Variants in DENND1A observed in about 807,000 individuals in gnomAD.
DENND1A encodes DENN domain containing 1A.
In DENND1A, 51 loss-of-function variants were observed where a neutral mutation model predicts 113.7. The observed-to-expected ratio is 0.45, with a 90% CI of 0.36 to 0.57. The LOEUF is 0.57. Among genes scored for constraint, DENND1A ranks in the 20% least tolerant of loss-of-function variants. The pLI is 0.00. For synonymous variants in DENND1A, 565 were observed against 570.8 expected, an observed-to-expected ratio of 0.99 and a Z score of 0.14; for missense variants, 1,258 against 1,395.9, an observed-to-expected ratio of 0.90 and a Z score of 1.57.
At chr9:123,895,631 A>G (rs1420304678) in intron 1 of DENND1A, among the ~76,000 whole-genome samples, 2 of 151,960 alleles carry the variant, frequency 1.3e-5, no homozygotes, top group Non-Finnish European at 2.9e-5. Flanking sequence ...CAAAAAAAAA[A>G]AAAGAAAAAA....
intron 21 of DENND1A, among the ~76,000 whole-genome samples, chr9:123,393,524 G>C (rs2051075): frequency 6.6e-6 from 1 of 150,652 alleles, no homozygotes; most frequent in Non-Finnish European, 1.5e-5. Flanking sequence ...CAGCTAGACC[G>C]CATCTTAAAA....
At position 123,495,141 on chromosome 9, in the gene DENND1A, T is replaced by TTCTCTCTCTCTCTCTCTCTC. The variant is rs56390148; in HGVS notation, c.994-37264_994-37245dup. ...TCTATTATGACCCATCATTGTCTCT[T>TTCTCTCTCTCTCTCTCTCTC]TCTCTCTCTCTCTCTCTCTCTCTCT... On this transcript the variant is annotated intron_variant, in intron 13 of 23. Transcript: ENST00000394215. Among the ~76,000 whole-genome samples, 338 of 140,616 alleles carry TTCTCTCTCTCTCTCTCTCTC rather than the reference T, an allele frequency of 2.4e-3. 10 individuals carry two copies. Among genetic ancestry groups the TTCTCTCTCTCTCTCTCTCTC allele is most frequent in the African/African-American group, 6.9e-3 (246 of 35,486 alleles). 92.2% of individuals were successfully genotyped at this position (140,616 alleles called of 152,430 possible).
chr9:123,466,996 A>G (rs1211513955), intron 13 of DENND1A, among the ~76,000 whole-genome samples: 2 of 152,140 alleles, frequency 1.3e-5, no homozygotes, highest in Non-Finnish European at 2.9e-5. Context: ...GCCTGCAGTG[A>G]GCCGTGATCA....
At position 123,625,089 on chromosome 9, in the gene DENND1A, T is replaced by C. The variant is rs115276605; in HGVS notation, c.719+5287A>G. Among the ~76,000 whole-genome samples the C allele has an allele frequency of 9.7e-3, 1,475 of 152,356 alleles. 23 individuals carry two copies. The highest frequency in any genetic ancestry group is 0.033 in the African/African-American group (1,366 of 41,568). Reference sequence around the variant, plus strand: ...TTCTTTCCAGATTTCTGCCTCTCTATATGTATACATATATACATCCGATTT... The same window carrying C: ...TTCTTTCCAGATTTCTGCCTCTCTACATGTATACATATATACATCCGATTT... On this transcript the variant is annotated intron_variant, in intron 10 of 23. Transcript: ENST00000394215.
chr9:123,454,849 C>CT (rs764248245), intron 15 of DENND1A, 70 bp from the exon 16 acceptor site: 184,881 of 1,003,958 alleles, frequency 0.18, 2,413 homozygotes, highest in Non-Finnish European at 0.2. Context: ...CTTAAAATTG[C>CT]TTTTTTTTTT....
chr9:123,590,149 G>C (rs1182705837), intron 11 of DENND1A, among the ~76,000 whole-genome samples: 1 of 152,226 alleles, frequency 6.6e-6, no homozygotes, highest in Non-Finnish European at 1.5e-5. Context: ...TGCCTGGCTA[G>C]AGAGACTGAG....
intron 8 of DENND1A, among the ~76,000 whole-genome samples, chr9:123,653,807 G>C (rs951086343): frequency 6.6e-6 from 1 of 151,920 alleles, no homozygotes; most frequent in Non-Finnish European, 1.5e-5. Flanking sequence ...TGATCTGTAT[G>C]TGGCAGGCAA....
chr9:123,538,953 G>C (rs2056067623), intron 13 of DENND1A, among the ~76,000 whole-genome samples: 1 of 149,754 alleles, frequency 6.7e-6, no homozygotes, highest in African/African-American at 2.5e-5. Flanking sequence ...TAAATAAAGA[G>C]AAAGAGTCAA....
chr9:123,528,413 A>G (rs1319880419), intron 13 of DENND1A, among the ~76,000 whole-genome samples: 4 of 152,128 alleles, frequency 2.6e-5, no homozygotes, highest in African/African-American at 9.7e-5. Flanking sequence ...TATTTGCCAT[A>G]TATTTATTGC....
intron 5 of DENND1A, among the ~76,000 whole-genome samples, chr9:123,681,844 A>G (rs2064482884): frequency 6.6e-6 from 1 of 152,110 alleles, no homozygotes; most frequent in Non-Finnish European, 1.5e-5. Flanking sequence ...ATTCTCCAGT[A>G]ATAGGAACCT....
rs1291926754 is a variant in DENND1A at position 123,381,311 on chromosome 9, G to C, written c.*121C>G. 58 of 935,508 alleles carry C rather than the reference G, an allele frequency of 6.2e-5. No homozygotes were observed. The highest frequency in any genetic ancestry group is 9.0e-5 in the Non-Finnish European group (56 of 621,538). The allele number at this position is 935,508 out of a possible 1,614,324, so 58.0% of individuals were successfully genotyped here. A position where few individuals can be genotyped will look rare whatever the true frequency, so the allele number is the denominator to read the frequency against. Reference sequence around the variant, plus strand: ...GGAGGGGAGGAGGGGGCAGCAGAGAGGGGTCCCATCCCTTCCCACCAGCAG... The same window carrying C: ...GGAGGGGAGGAGGGGGCAGCAGAGACGGGTCCCATCCCTTCCCACCAGCAG... On this transcript the variant is annotated 3_prime_UTR_variant, in exon 24 of 24. Coordinates refer to ENST00000394215, the MANE Select transcript of DENND1A (RefSeq NM_001352964.2). The surrounding 1 kb of genome is among the most constrained non-coding windows in gnomAD (Gnocchi z 4.7).
At chr9:123,599,019 A>G (rs1228280967) in intron 11 of DENND1A, among the ~76,000 whole-genome samples, 1 of 152,228 alleles carries the variant, frequency 6.6e-6, no homozygotes, top group African/African-American at 2.4e-5. Flanking sequence ...GATGTTGATA[A>G]CTTCCAACCA....
intron 1 of DENND1A, among the ~76,000 whole-genome samples, chr9:123,902,512 G>A (rs900723678): frequency 4.6e-5 from 7 of 152,066 alleles, no homozygotes; most frequent in Non-Finnish European, 8.8e-5. Flanking sequence ...CAAGCACAAA[G>A]AACAGTGCCC....
In DENND1A at chr9:123,750,396, T is replaced by C. The variant is rs150180412; in HGVS notation, c.302+7307A>G. Among the ~76,000 whole-genome samples, 208 of 152,322 alleles carry C rather than the reference T, an allele frequency of 1.4e-3. 1 individual carries two copies. Among genetic ancestry groups the C allele is most frequent in the Middle Eastern group, 3.4e-3 (1 of 294 alleles). On this transcript the variant is annotated intron_variant, in intron 5 of 23. Transcript: ENST00000394215. ...CTAGTTATAAACTCCCACAAACTGATGTTCTGAAGAGCACCCCATGCCCTG... is the reference window on the plus strand; with the variant it reads ...CTAGTTATAAACTCCCACAAACTGACGTTCTGAAGAGCACCCCATGCCCTG...
In DENND1A at chr9:123,527,379, T is replaced by C. The variant is rs10986037; in HGVS notation, c.993+30191A>G. On this transcript the variant is annotated intron_variant, in intron 13 of 23. Transcript: ENST00000394215. ...AAACTCTTTCTCCACAGCTGTCCAA[T>C]GACCTAAGGATTCATTTTAAGCTTC... Among the ~76,000 whole-genome samples the C allele has an allele frequency of 5.7e-4, 87 of 152,310 alleles. 1 individual carries two copies. The East Asian group carries it at 0.017, about 29-fold the overall frequency.
At chr9:123,391,802 C>T (rs1446664751) in intron 21 of DENND1A, among the ~76,000 whole-genome samples, 2 of 147,564 alleles carry the variant, frequency 1.4e-5, no homozygotes, top group Non-Finnish European at 3.0e-5. Flanking sequence ...CTCATTAACC[C>T]AATTCAGCTA....
chr9:123,811,112 A>G (rs1360098356), intron 2 of DENND1A, among the ~76,000 whole-genome samples: 1 of 152,164 alleles, frequency 6.6e-6, no homozygotes, highest in East Asian at 1.9e-4. Flanking sequence ...AGACCCTGTT[A>G]TGCATTCAAT....
intron 5 of DENND1A, among the ~76,000 whole-genome samples, chr9:123,694,522 A>C (rs1564962743): frequency 6.6e-6 from 1 of 152,090 alleles, no homozygotes; most frequent in Non-Finnish European, 1.5e-5. Context: ...ACAAACCCAA[A>C]AGTAGATCTT....
intron 13 of DENND1A, among the ~76,000 whole-genome samples, chr9:123,533,725 A>G (rs1444696737): frequency 3.3e-5 from 5 of 152,318 alleles, no homozygotes; most frequent in Middle Eastern, 6.8e-3. Flanking sequence ...TACTTGTCCA[A>G]TAGAGTTTCT....
Sources: gnomAD v4.1 joint callset for allele counts (sites outside exome capture counted in the v4.1 genomes callset) on GRCh38, gnomAD v4.1.1 for gene constraint, Gnocchi (gnomAD v3.1) non-coding constraint, MANE v1.5 for transcripts, NCBI Gene and HGNC (gene_info 2026-07-23, HGNC 2026-07-21) for gene names.